The following DEPDC5 variants were observed in gnomAD, a reference collection of about 807,000 sequenced individuals.
The protein encoded by DEPDC5 is DEP domain containing 5, GATOR1 subcomplex subunit, also known as GATOR1 complex protein DEPDC5.
Under a neutral mutation model 217.3 loss-of-function variants are expected in DEPDC5, and 73 were observed. The observed-to-expected ratio is 0.34, with a 90% confidence interval of 0.28 to 0.41. DEPDC5 has a LOEUF of 0.41. Among genes scored for constraint, DEPDC5 ranks in the 10% least tolerant of loss-of-function variants. The probability of loss-of-function intolerance (pLI) is 1.00; values close to 1 mark genes in which losing one functional copy is unlikely to be tolerated. For missense variants in DEPDC5, 1,675 were observed against 2,070.1 expected, an observed-to-expected ratio of 0.81 and a Z score of 3.70; for synonymous variants, 733 against 756.7, an observed-to-expected ratio of 0.97 and a Z score of 0.51.
At chr22:31,777,203 A>G (rs1039678138) in intron 7 of DEPDC5, among the ~76,000 whole-genome samples, 1 of 147,480 alleles carries the variant, frequency 6.8e-6, no homozygotes. Flanking sequence ...CAGGTGATTC[A>G]CCCGCCTCAG....
chr22:31,799,461 T>C (rs185557314), intron 14 of DEPDC5, among the ~76,000 whole-genome samples: 1 of 151,680 alleles, frequency 6.6e-6, no homozygotes, highest in Non-Finnish European at 1.5e-5. Context: ...TCATCTGCAT[T>C]AGGTATTTCT....
In DEPDC5 at chr22:31,906,270, A is replaced by G; in HGVS notation, c.4585A>G (p.Asn1529Asp). The G allele has an allele frequency of 1.2e-6, 2 of 1,613,852 alleles. No individual in the cohort carries two copies. The highest frequency in any genetic ancestry group is 1.7e-6 in the Non-Finnish European group (2 of 1,179,924). The stretch of plus-strand genomic sequence containing the variant: ...CTCAGGGCAGCAGCGGCGGCGGCGG[A>G]ACTCCACCAGCTCCACCAACCAGAA... ...KFSGQQRRRRNSTSSTNQNMF... is the reference protein window; with the variant it reads ...KFSGQQRRRRDSTSSTNQNMF... The change falls in exon 43 of 43, where the codon AAC becomes GAC. Residue 1529 changes from asparagine to aspartate, a missense_variant. Physicochemically the swap from Asn to Asp is conservative, Grantham distance 23. This residue lies in a region of DEPDC5 where 182 missense variants were observed against 290.1 expected (regional missense o/e 0.63). Coordinates refer to ENST00000651528, the MANE Select transcript of DEPDC5 (RefSeq NM_001242896.3). This position sits in a 1 kb window ranked among gnomAD's most constrained non-coding sequence, Gnocchi z 5.1.
Position 31,804,881 on chromosome 22 carries a change from G to A in DEPDC5, c.1183G>A (p.Asp395Asn), listed in dbSNP as rs1387253051. ...TGCTCCCCGTGATTCTCGTCTGGGC[G>A]ATGACTATAATATCCCTCACTGGAT... is the stretch of plus-strand genomic sequence containing the variant. ...RSAPRDSRLG[D>N]DYNIPHWINH... The change falls in exon 17 of 43, where the codon GAT becomes AAT. Residue 395 changes from aspartate (D) to asparagine (N), a missense_variant. This residue lies in a region of DEPDC5 where 628 missense variants were observed against 762.1 expected (regional missense o/e 0.82). Transcript: ENST00000651528. The A allele has an allele frequency of 6.2e-6, 10 of 1,613,934 alleles. No homozygotes were observed. The East Asian group carries it at 6.7e-5, about 11-fold the overall frequency.
intron 15 of DEPDC5, among the ~76,000 whole-genome samples, chr22:31,803,253 C>G (rs1328582154): frequency 6.6e-6 from 1 of 151,888 alleles, no homozygotes; most frequent in Non-Finnish European, 1.5e-5. Flanking sequence ...CTCTGTCTCC[C>G]AGGCTGGAGT....
At chr22:31,847,048 G>A in intron 31 of DEPDC5, 81 bp downstream of exon 31, 1 of 1,586,858 alleles carries the variant, frequency 6.3e-7, no homozygotes, top group Non-Finnish European at 8.6e-7. Context: ...TTGAGGGGGT[G>A]AAATATTTCC....
At chr22:31,825,980 A>G (rs553424567) in intron 24 of DEPDC5, among the ~76,000 whole-genome samples, 1 of 151,900 alleles carries the variant, frequency 6.6e-6, no homozygotes, top group East Asian at 1.9e-4. Flanking sequence ...TGGGTATCTC[A>G]GTGTCTTTAT....
intron 2 of DEPDC5, chr22:31,757,236 T>C (rs1201575063): frequency 6.6e-6 from 1 of 152,132 alleles, no homozygotes; most frequent in East Asian, 1.9e-4. Context: ...TAGTCACAGC[T>C]ACTCAAGAGG....
chr22:31,849,805 T>A (rs535280547), intron 31 of DEPDC5, among the ~76,000 whole-genome samples: 2 of 149,218 alleles, frequency 1.3e-5, no homozygotes, highest in African/African-American at 5.0e-5. Flanking sequence ...GTAAATAAAA[T>A]AAAACCATCA....
chr22:31,900,276 A>AC (rs2093625776), intron 40 of DEPDC5, among the ~76,000 whole-genome samples: 1 of 151,356 alleles, frequency 6.6e-6, no homozygotes, highest in Non-Finnish European at 1.5e-5. Context: ...CAAACTCCTG[A>AC]CCTCAGGTGA....
At chr22:31,862,631 T>C (rs375284318) in intron 33 of DEPDC5, among the ~76,000 whole-genome samples, 2 of 152,222 alleles carry the variant, frequency 1.3e-5, no homozygotes, top group African/African-American at 2.4e-5. Flanking sequence ...AGCTGGTTAG[T>C]GGGCATATAG....
intron 33 of DEPDC5, 31 bp downstream of exon 33, chr22:31,861,464 G>T (rs567847983): frequency 9.5e-5 from 148 of 1,550,492 alleles, no homozygotes; most frequent in Non-Finnish European, 1.3e-4. Context: ...TCGCATGCCT[G>T]TCCCACTGGC....
chr22:31,784,276 C>A (rs2084757848), intron 9 of DEPDC5: 2 of 234,860 alleles, frequency 8.5e-6, no homozygotes, highest in African/African-American at 2.3e-5. Flanking sequence ...ATAAACTTGG[C>A]TTCTTAGTTT....
At chr22:31,813,572 T>C (rs2088695234) in intron 20 of DEPDC5, among the ~76,000 whole-genome samples, 1 of 152,162 alleles carries the variant, frequency 6.6e-6, no homozygotes, top group Non-Finnish European at 1.5e-5. Context: ...GTGGGCTTGC[T>C]TTTTCGTTCT....
In DEPDC5 at chr22:31,809,583, G is replaced by A. The variant is rs372714938; in HGVS notation, c.1288-28G>A. On this transcript the variant is annotated intron_variant, in intron 18 of 42. Transcript: ENST00000651528. ...AAGTTCTTTTCTAGCGAAGGAAGGA[G>A]TGATTAATTATCTATTTAATTTTTC... 150 of 1,612,868 alleles carry A rather than the reference G, an allele frequency of 9.3e-5. 3 individuals carry two copies. Among genetic ancestry groups the A allele is most frequent in the Middle Eastern group, 1.6e-4 (1 of 6,084 alleles).
chr22:31,835,697 G>A (rs1164982005), intron 25 of DEPDC5, among the ~76,000 whole-genome samples: 2 of 152,128 alleles, frequency 1.3e-5, no homozygotes, highest in Non-Finnish European at 2.9e-5. Context: ...TCACCTTCTC[G>A]GCTGCCATAT....
chr22:31,832,934 C>T (rs2090712914), intron 24 of DEPDC5, among the ~76,000 whole-genome samples: 1 of 152,078 alleles, frequency 6.6e-6, no homozygotes, highest in African/African-American at 2.4e-5. Flanking sequence ...TTCAAATGAC[C>T]CAGAAGTATT....
At position 31,768,860 on chromosome 22, in the gene DEPDC5, T is replaced by G. The variant is rs762300886; in HGVS notation, c.410T>G (p.Ile137Ser). 1 of 1,613,776 alleles carries G rather than the reference T, an allele frequency of 6.2e-7. No individual in the cohort carries two copies. Among genetic ancestry groups the G allele is most frequent in the South Asian group, 1.1e-5 (1 of 91,018 alleles). The change falls in exon 7 of 43, where the codon ATC (isoleucine) becomes AGC (serine). Residue 137 changes from isoleucine to serine, a missense_variant. Physicochemically the swap from Ile to Ser is moderately radical, Grantham distance 142. This residue lies in a region of DEPDC5 where 628 missense variants were observed against 762.1 expected (regional missense o/e 0.82). Coordinates refer to ENST00000651528, the MANE Select transcript of DEPDC5 (RefSeq NM_001242896.3). ...YITQKVEFAGIRAQAGELWVK... is the reference protein window; with the variant it reads ...YITQKVEFAGSRAQAGELWVK... ...ACCCAGAAGGTGGAGTTTGCTGGCA[T>G]CAGGTAGATATTACATCACTCTTGC...
At chr22:31,864,961 G>A (rs1393845683) in intron 33 of DEPDC5, among the ~76,000 whole-genome samples, 2 of 141,480 alleles carry the variant, frequency 1.4e-5, no homozygotes, top group Non-Finnish European at 2.9e-5. Flanking sequence ...AAAGTGCTGG[G>A]ATTACAGAAG....
At chr22:31,770,547 A>ATT (rs34409975) in intron 7 of DEPDC5, among the ~76,000 whole-genome samples, 26 of 133,456 alleles carry the variant, frequency 1.9e-4, no homozygotes, top group South Asian at 4.9e-4. Flanking sequence ...CACGTAGCTA[A>ATT]TTTTTTTTTT....
Sources: allele counts gnomAD v4.1 joint callset (sites outside exome capture counted in the v4.1 genomes callset), GRCh38; gene constraint gnomAD v4.1.1; regional missense constraint gnomAD v4.1.1; non-coding constraint Gnocchi (gnomAD v3.1); transcripts MANE v1.5; gene names NCBI Gene and HGNC (gene_info 2026-07-23, HGNC 2026-07-21).